The following ALMS1 variants were observed in gnomAD, a reference collection of about 807,000 sequenced individuals.
ALMS1 encodes the protein ALMS1 centrosome and basal body associated protein.
ALMS1 carries 271 observed loss-of-function variants against 352.2 expected under a neutral mutation model. The ratio of observed to expected loss-of-function variants is 0.77; its 90% CI spans 0.70 to 0.85. ALMS1 has a LOEUF of 0.85. ALMS1 is among the 40% of genes least tolerant of loss of function. The pLI is 0.00. For missense variants in ALMS1, 5,445 were observed against 4,870.7 expected (o/e 1.12, Z -3.51); for synonymous variants, 1,865 against 1,761.2 (o/e 1.06, Z -1.48).
intron 16 of ALMS1, among the ~76,000 whole-genome samples, chr2:73,576,402 A>G (rs1322526812): frequency 2.0e-5 from 3 of 152,154 alleles, no homozygotes; most frequent in African/African-American, 7.2e-5. Context: ...TTGCTAATGT[A>G]TAGGTACATA....
At chr2:73,482,339 G>A (rs1162240130) in intron 9 of ALMS1, among the ~76,000 whole-genome samples, 2 of 152,188 alleles carry the variant, frequency 1.3e-5, no homozygotes, top group Admixed American at 1.3e-4. Flanking sequence ...AGAAAATCAT[G>A]TGGTTTTTGT....
intron 12 of ALMS1, among the ~76,000 whole-genome samples, chr2:73,542,562 G>T (rs574789649): frequency 1.3e-5 from 2 of 152,274 alleles, no homozygotes; most frequent in South Asian, 4.1e-4. Context: ...TAGGAAAAGA[G>T]GAACTCAAAT....
At chr2:73,428,268 T>TA (rs1355737257) in intron 6 of ALMS1, among the ~76,000 whole-genome samples, 2 of 152,148 alleles carry the variant, frequency 1.3e-5, no homozygotes, top group Non-Finnish European at 2.9e-5. Context: ...AATTGACACT[T>TA]AGAGGATTTA....
chr2:73,437,938 C>T (rs1458670538), intron 7 of ALMS1, among the ~76,000 whole-genome samples: 1 of 152,146 alleles, frequency 6.6e-6, no homozygotes, highest in Non-Finnish European at 1.5e-5. Context: ...CAATCACACC[C>T]TCCTACAGAA....
intron 5 of ALMS1, 124 bp downstream of exon 5, chr2:73,425,026 A>G: frequency 1.3e-6 from 1 of 761,354 alleles, no homozygotes; most frequent in Non-Finnish European, 2.1e-6. Flanking sequence ...GGAACTTTGC[A>G]CCACCCAGAA....
chr2:73,542,122 A>G (rs1316819423), intron 12 of ALMS1, among the ~76,000 whole-genome samples: 3 of 152,200 alleles, frequency 2.0e-5, no homozygotes, highest in Admixed American at 6.5e-5. Context: ...ATCCTCAATA[A>G]AATACTGGAA....
Position 73,600,825 on chromosome 2 carries a change from T to C in ALMS1, c.11816T>C (p.Phe3939Ser), listed in dbSNP as rs1384956652. 6.2e-7 allele frequency: 1 copy of C among 1,614,104 alleles called. No individual in the cohort carries two copies. The highest frequency in any genetic ancestry group is 8.5e-7 in the Non-Finnish European group (1 of 1,180,036). ...SEEKREEKML[F>S]TGYPEDRKLK... ...GAAAAACGTGAAGAGAAAATGCTCT[T>C]TACCGGTTATCCTGAGGACAGAAAG... Residue 3939 changes from phenylalanine to serine, a missense_variant, in exon 18 of 23, where the codon TTT becomes TCT. Physicochemically the swap from Phe to Ser is radical, Grantham distance 155. Transcript: ENST00000613296.
At chr2:73,485,321 G>T (rs375708447) in intron 9 of ALMS1, among the ~76,000 whole-genome samples, 2 of 152,296 alleles carry the variant, frequency 1.3e-5, no homozygotes, top group Admixed American at 1.3e-4. Flanking sequence ...CAGGTCTGTT[G>T]GAATACCCTG....
rs1672003964 is a variant in ALMS1 at position 73,453,891 on chromosome 2, G to A, written c.7364G>A (p.Ser2455Asn). The A allele has an allele frequency of 1.2e-6, 2 of 1,614,026 alleles. No individual in the cohort carries two copies. Among genetic ancestry groups the A allele is most frequent in the Non-Finnish European group, 1.7e-6 (2 of 1,180,014 alleles). Residue 2455 changes from serine (S) to asparagine (N), a missense_variant, in exon 8 of 23, where the codon AGT becomes AAT. Coordinates refer to ENST00000613296, the MANE Select transcript of ALMS1 (RefSeq NM_001378454.1). ...TTTCCATATGTTTCACCCAAGACAA[G>A]TATAACAGATAGCAGGGAGGAAGAG... ...NFFPYVSPKT[S>N]ITDSREEEGV...
At chr2:73,398,925 C>T (rs1670817252) in intron 1 of ALMS1, among the ~76,000 whole-genome samples, 1 of 152,090 alleles carries the variant, frequency 6.6e-6, no homozygotes. Flanking sequence ...CTTACTGCAA[C>T]CTCTGCCTCC....
intron 15 of ALMS1, among the ~76,000 whole-genome samples, chr2:73,567,063 G>C (rs1674818779): frequency 6.6e-6 from 1 of 152,136 alleles, no homozygotes; most frequent in South Asian, 2.1e-4. Context: ...CTGTCTGTTA[G>C]GGTTTTTATG....
In ALMS1 at chr2:73,391,294, C is replaced by CTTTTTTTTTTTTTTTTT. The variant is rs397972016; in HGVS notation, c.324+5103_324+5119dup. Among the ~76,000 whole-genome samples the CTTTTTTTTTTTTTTTTT allele has an allele frequency of 3.9e-4, 45 of 114,920 alleles. 4 individuals are homozygous for CTTTTTTTTTTTTTTTTT. Among genetic ancestry groups the CTTTTTTTTTTTTTTTTT allele is most frequent in the African/African-American group, 1.0e-3 (25 of 24,452 alleles). 75.4% of individuals were successfully genotyped at this position (114,920 alleles called of 152,430 possible). On this transcript the variant is annotated intron_variant, in intron 1 of 22. Transcript: ENST00000613296. The stretch of plus-strand genomic sequence containing the variant: ...TTAACCTATTCATATACGTTTTATT[C>CTTTTTTTTTTTTTTTTT]TTTTTTTTTTTTTTTTTGAGACGGA...
At chr2:73,577,879 A>G (rs1675086343) in intron 16 of ALMS1, among the ~76,000 whole-genome samples, 2 of 152,080 alleles carry the variant, frequency 1.3e-5, no homozygotes. Context: ...AGTGTTCTCT[A>G]TTGTGTTAGG....
intron 16 of ALMS1, among the ~76,000 whole-genome samples, chr2:73,589,476 A>G (rs1041778282): frequency 2.0e-5 from 3 of 152,184 alleles, no homozygotes; most frequent in Non-Finnish European, 4.4e-5. Context: ...AAATTTTATC[A>G]CCATATGCCA....
chr2:73,581,417 G>A (rs926839109), intron 16 of ALMS1, among the ~76,000 whole-genome samples: 4 of 152,210 alleles, frequency 2.6e-5, no homozygotes, highest in Non-Finnish European at 4.4e-5. Context: ...TTGGGAGCAG[G>A]TACCTACATC....
intron 11 of ALMS1, among the ~76,000 whole-genome samples, chr2:73,529,231 A>G (rs2103980903): frequency 6.6e-6 from 1 of 151,832 alleles, no homozygotes; most frequent in South Asian, 2.1e-4. Context: ...TTTAGTAGAG[A>G]CGGGGTTTCA....
intron 9 of ALMS1, among the ~76,000 whole-genome samples, chr2:73,471,527 CAAAT>C (rs1672468370): frequency 1.6e-5 from 2 of 121,242 alleles, no homozygotes; most frequent in African/African-American, 6.7e-5. Context: ...AAACAAAAAA[CAAAT>C]AACCTGGTTA....
chr2:73,450,151 T>C lies in ALMS1; in HGVS notation c.3624T>C (p.Gly1208=). 6.2e-7 allele frequency: 1 copy of C among 1,613,920 alleles called. No individual in the cohort carries two copies. The highest frequency in any genetic ancestry group is 8.5e-7 in the Non-Finnish European group (1 of 1,179,938). ...PGIFYQQTLP[G]SHIPEEAQKV... The stretch of plus-strand genomic sequence containing the variant: ...TTTTCTATCAACAGACCTTGCCAGG[T>C]AGTCACATACCTGAAGAGGCACAGA... The change falls in exon 8 of 23, where the codon GGT becomes GGC. Residue 1208 remains glycine, a synonymous_variant. Transcript: ENST00000613296.
At chr2:73,576,621 T>C (rs1675059151) in intron 16 of ALMS1, among the ~76,000 whole-genome samples, 1 of 124,422 alleles carries the variant, frequency 8.0e-6, no homozygotes, top group South Asian at 2.1e-4. Flanking sequence ...TCTTTTTCTT[T>C]TTCTTTTTTT....
Sources: gnomAD v4.1 joint callset for allele counts (sites outside exome capture counted in the v4.1 genomes callset) on GRCh38, gnomAD v4.1.1 for gene constraint, MANE v1.5 for transcripts, NCBI Gene and HGNC (gene_info 2026-07-23, HGNC 2026-07-21) for gene names.